NMNAT2: variants seen among roughly 807,000 people sequenced by gnomAD.
NMNAT2 encodes nicotinamide/nicotinic acid mononucleotide adenylyltransferase 2.
Under a neutral mutation model 41.6 loss-of-function variants are expected in NMNAT2, and 11 were observed. The ratio of observed to expected loss-of-function variants is 0.26; its 90% CI spans 0.17 to 0.44. NMNAT2 has a LOEUF of 0.44. NMNAT2 is among the 20% of genes least tolerant of loss of function. NMNAT2 has a pLI of 1.00. For missense variants in NMNAT2, 288 were observed against 407.7 expected (o/e 0.71, Z 2.53); for synonymous variants, 148 against 151.2 (o/e 0.98, Z 0.16).
At chr1:183,315,639 G>A (rs1409967191) in intron 1 of NMNAT2, among the ~76,000 whole-genome samples, 2 of 151,878 alleles carry the variant, frequency 1.3e-5, no homozygotes, top group South Asian at 2.1e-4. Context: ...AAAATTAGCC[G>A]GGCATGGTCG....
rs983041924 is a variant in NMNAT2 at position 183,367,736 on chromosome 1, A to G, written c.85+50447T>C. On this transcript the variant is annotated intron_variant, in intron 1 of 10. Transcript: ENST00000287713. ...TAATTTACTAATCTATAAATTATAT[A>G]TGTGTCTTATTTTACTATTGTGCTG... Among the ~76,000 whole-genome samples, 4 of 152,334 alleles carry G rather than the reference A, an allele frequency of 2.6e-5. No individual in the cohort carries two copies. The East Asian group carries it at 7.7e-4, about 29-fold the overall frequency.
chr1:183,406,843 G>C (rs1163046740), intron 1 of NMNAT2, among the ~76,000 whole-genome samples: 1 of 118,242 alleles, frequency 8.5e-6, no homozygotes, highest in Non-Finnish European at 1.6e-5. Context: ...TTTTGAGACA[G>C]AGTCTCACTC....
intron 1 of NMNAT2, among the ~76,000 whole-genome samples, chr1:183,296,706 G>C (rs1661709213): frequency 6.6e-6 from 1 of 151,930 alleles, no homozygotes; most frequent in Admixed American, 6.5e-5. Flanking sequence ...TAGAGATGGG[G>C]TTTCACCATG....
chr1:183,253,904 CGTGTGTGTGTGTGT>C (rs139756017), intron 10 of NMNAT2, among the ~76,000 whole-genome samples: 5,528 of 144,360 alleles, frequency 0.038, 353 homozygotes, highest in African/African-American at 0.13. Context: ...GTTCCACTTC[CGTGTGTGTGTGTGT>C]GTGTGTGTGT....
intron 1 of NMNAT2, among the ~76,000 whole-genome samples, chr1:183,297,383 CTTTT>C (rs66514054): frequency 1.1e-3 from 154 of 143,392 alleles, no homozygotes; most frequent in Middle Eastern, 3.5e-3. Flanking sequence ...GGAAGGAACC[CTTTT>C]TTTTTTTTTT....
intron 1 of NMNAT2, among the ~76,000 whole-genome samples, chr1:183,373,936 A>G (rs1663614997): frequency 6.6e-6 from 1 of 152,162 alleles, no homozygotes; most frequent in Admixed American, 6.6e-5. Context: ...TTTATTCTTT[A>G]TTAGTAATTA....
rs7517813 is a variant in NMNAT2, at chr1:183,370,022, G to A, written c.85+48161C>T. On this transcript the variant is annotated intron_variant, in intron 1 of 10. Coordinates refer to ENST00000287713, the MANE Select transcript of NMNAT2 (RefSeq NM_015039.4). ...GCTAGGTCATGCTAAAGAGAACAGA[G>A]GACCCTCCAAGGAGAGGAAAAAGGG... 9.5e-3 allele frequency among the ~76,000 whole-genome samples: 1,448 copies of A among 152,090 alleles called. 21 individuals are homozygous for A. Among genetic ancestry groups the A allele is most frequent in the African/African-American group, 0.033 (1,384 of 41,490 alleles).
At chr1:183,378,310 C>T (rs1663722074) in intron 1 of NMNAT2, among the ~76,000 whole-genome samples, 1 of 151,894 alleles carries the variant, frequency 6.6e-6, no homozygotes, top group African/African-American at 2.4e-5. Context: ...AGGATAATCG[C>T]TTAAACCTAG....
chr1:183,301,626 C>T (rs1166805349), intron 1 of NMNAT2, among the ~76,000 whole-genome samples: 1 of 152,198 alleles, frequency 6.6e-6, no homozygotes, highest in Non-Finnish European at 1.5e-5. Flanking sequence ...GTCCTCAGGA[C>T]CCTGAGGGTC....
rs147974625 is a variant in NMNAT2 at position 183,305,578 on chromosome 1, A to G, written c.86-11785T>C. Among the ~76,000 whole-genome samples the G allele has an allele frequency of 3.2e-3, 487 of 152,296 alleles. 5 individuals are homozygous for G. Among genetic ancestry groups the G allele is most frequent in the African/African-American group, 0.01 (434 of 41,560 alleles). On this transcript the variant is annotated intron_variant, in intron 1 of 10. Coordinates refer to ENST00000287713, the MANE Select transcript of NMNAT2 (RefSeq NM_015039.4). ...GATAGCTGTTTTTCCTGGGTAAAAC[A>G]GGTGACAGAATATTCAGCATAGATT...
intron 1 of NMNAT2, among the ~76,000 whole-genome samples, chr1:183,350,121 C>A (rs964869709): frequency 2.6e-5 from 4 of 152,212 alleles, no homozygotes; most frequent in African/African-American, 9.7e-5. Context: ...AAGATACACA[C>A]AATCCCTGCC....
intron 1 of NMNAT2, among the ~76,000 whole-genome samples, chr1:183,401,574 C>A (rs1051799792): frequency 2.0e-5 from 3 of 152,068 alleles, no homozygotes; most frequent in Non-Finnish European, 1.5e-5. Context: ...GGTGTATACC[C>A]AAAGGAATAT....
At chr1:183,302,588 A>C (rs1204768955) in intron 1 of NMNAT2, among the ~76,000 whole-genome samples, 1 of 152,134 alleles carries the variant, frequency 6.6e-6, no homozygotes, top group Non-Finnish European at 1.5e-5. Flanking sequence ...TCAAATGCAA[A>C]CCAACCAATC....
At chr1:183,382,503 T>C (rs1663823678) in intron 1 of NMNAT2, among the ~76,000 whole-genome samples, 1 of 152,174 alleles carries the variant, frequency 6.6e-6, no homozygotes, top group African/African-American at 2.4e-5. Context: ...CATTCCAAAG[T>C]CTCATCTGAG....
chr1:183,338,223 A>ATCAGATCTATGATATG, intron 1 of NMNAT2, among the ~76,000 whole-genome samples: 1 of 149,970 alleles, frequency 6.7e-6, no homozygotes, highest in South Asian at 2.1e-4. Context: ...CAGATCATTA[A>ATCAGATCTATGATATG]CCGTGAGGCA....
intron 1 of NMNAT2, among the ~76,000 whole-genome samples, chr1:183,340,718 G>A (rs1029607616): frequency 1.3e-5 from 2 of 152,184 alleles, no homozygotes; most frequent in Non-Finnish European, 2.9e-5. Context: ...GTGCTGAGAG[G>A]TACTTGTCCT....
chr1:183,265,813 A>T (rs1660798030), intron 8 of NMNAT2, among the ~76,000 whole-genome samples: 1 of 152,228 alleles, frequency 6.6e-6, no homozygotes, highest in Admixed American at 6.5e-5. Flanking sequence ...GAATATGGCA[A>T]AAGAGACTCT....
At chr1:183,356,508 C>T (rs1235048885) in intron 1 of NMNAT2, among the ~76,000 whole-genome samples, 7 of 152,208 alleles carry the variant, frequency 4.6e-5, no homozygotes, top group Non-Finnish European at 8.8e-5. Context: ...GAAAATGTAG[C>T]ACCATCATTC....
intron 1 of NMNAT2, among the ~76,000 whole-genome samples, chr1:183,389,130 C>A (rs1648357125): frequency 6.6e-6 from 1 of 152,186 alleles, no homozygotes; most frequent in African/African-American, 2.4e-5. Flanking sequence ...CAGCTCCTCG[C>A]CTGCCAGCTG....
Sources: allele counts gnomAD v4.1 joint callset (sites outside exome capture counted in the v4.1 genomes callset), GRCh38; gene constraint gnomAD v4.1.1; transcripts MANE v1.5; gene names NCBI Gene and HGNC (gene_info 2026-07-23, HGNC 2026-07-21).